Variants in SLC41A2 observed in about 807,000 individuals in gnomAD.
SLC41A2 encodes the protein SLC41A1-like 1.
SLC41A2 carries 32 observed loss-of-function variants against 58.3 expected under a neutral mutation model. That is an observed-to-expected ratio of 0.55 (90% CI 0.41 to 0.74). The LOEUF (loss-of-function observed/expected upper bound fraction) is 0.74, where lower values mean the gene tolerates loss of function less well. SLC41A2 is among the 30% of genes least tolerant of loss of function. The pLI is 0.00. For synonymous variants in SLC41A2, 190 were observed against 235.0 expected (o/e 0.81, Z 1.75); for missense variants, 514 against 680.6 (o/e 0.76, Z 2.72).
intron 1 of SLC41A2, among the ~76,000 whole-genome samples, chr12:104,946,623 A>G (rs2047728368): frequency 1.3e-5 from 2 of 152,206 alleles, no homozygotes; most frequent in African/African-American, 4.8e-5. Flanking sequence ...AAGTTGTATT[A>G]TTCACATGGA....
chr12:104,947,347 G>A (rs1270576301), intron 1 of SLC41A2, among the ~76,000 whole-genome samples: 1 of 151,270 alleles, frequency 6.6e-6, no homozygotes, highest in Non-Finnish European at 1.5e-5. Context: ...GGGACTACAG[G>A]TGCGCACCAC....
At position 104,928,479 on chromosome 12, in the gene SLC41A2, G is replaced by A. The variant is rs1565909267; in HGVS notation, c.49C>T (p.Pro17Ser). 6.5e-7 allele frequency: 1 copy of A among 1,541,258 alleles called. No individual in the cohort carries two copies. Among genetic ancestry groups the A allele is most frequent in the East Asian group, 2.4e-5 (1 of 40,876 alleles). The change falls in exon 2 of 11, where the codon CCA becomes TCA. Residue 17 changes from proline (P) to serine (S), a missense_variant. Pro to Ser is a moderately conservative substitution (Grantham distance 74). Around this residue, in one of 3 missense-constraint regions of SLC41A2, gnomAD observed 336 missense variants for 430.0 expected, o/e 0.78. Coordinates refer to ENST00000258538, the MANE Select transcript of SLC41A2 (RefSeq NM_001352171.3). ...TCTACAAAACCTCCTCCACTACTTG[G>A]ACCACCACTTGTTTTATCGGTAATA... is the stretch of plus-strand genomic sequence containing the variant. ...RSITDKTSGG[P>S]SSGGGFVDWT...
chr12:104,947,821 T>G (rs915027400), intron 1 of SLC41A2, among the ~76,000 whole-genome samples: 5 of 152,108 alleles, frequency 3.3e-5, no homozygotes, highest in Non-Finnish European at 7.4e-5. Flanking sequence ...TCATATCTCA[T>G]ATATATTTTA....
intron 2 of SLC41A2, among the ~76,000 whole-genome samples, chr12:104,925,818 CTGAG>C (rs1260887531): frequency 6.6e-6 from 1 of 152,140 alleles, no homozygotes; most frequent in Non-Finnish European, 1.5e-5. Flanking sequence ...TAGTTAAATA[CTGAG>C]TGTTTCTTCA....
intron 8 of SLC41A2, among the ~76,000 whole-genome samples, chr12:104,857,444 G>A (rs1305860771): frequency 6.6e-6 from 1 of 152,158 alleles, no homozygotes; most frequent in East Asian, 1.9e-4. Context: ...AGACAGTGTG[G>A]CAATTCCTCA....
chr12:104,891,719 G>A (rs2135681375), intron 4 of SLC41A2, among the ~76,000 whole-genome samples: 1 of 151,792 alleles, frequency 6.6e-6, no homozygotes, highest in African/African-American at 2.4e-5. Flanking sequence ...AGAAAGAAAT[G>A]AAGGGCATCT....
intron 1 of SLC41A2, among the ~76,000 whole-genome samples, chr12:104,936,546 T>C (rs1483265946): frequency 1.3e-5 from 2 of 152,288 alleles, no homozygotes; most frequent in East Asian, 3.9e-4. Context: ...AAGTCACATC[T>C]TACGTAGATG....
In SLC41A2 at chr12:104,947,194, C is replaced by CTTTTTTTTTTTTTTTTTTTTT. The variant is rs1491116311; in HGVS notation, c.-168+10893_-168+10894insAAAAAAAAAAAAAAAAAAAAA. Among the ~76,000 whole-genome samples the CTTTTTTTTTTTTTTTTTTTTT allele has an allele frequency of 9.9e-4, 53 of 53,668 alleles. 24 individuals carry two copies. The highest frequency in any genetic ancestry group is 9.9e-4 in the African/African-American group (13 of 13,136). The allele number at this position is 53,668 out of a possible 152,430, so 35.2% of individuals were successfully genotyped here. On this transcript the variant is annotated intron_variant, in intron 1 of 10. Coordinates refer to ENST00000258538, the MANE Select transcript of SLC41A2 (RefSeq NM_001352171.3). ...CTGAATTTCTGGCTTTTATTTTTGT[C>CTTTTTTTTTTTTTTTTTTTTT]CTTTTTTTTTTTTTTTTTTTTTTTT... is the stretch of plus-strand genomic sequence containing the variant.
chr12:104,828,404 C>G (rs2041925304), intron 10 of SLC41A2, among the ~76,000 whole-genome samples: 1 of 152,208 alleles, frequency 6.6e-6, no homozygotes, highest in Non-Finnish European at 1.5e-5. Flanking sequence ...GGCAAGAACC[C>G]CAGTATACAG....
intron 10 of SLC41A2, among the ~76,000 whole-genome samples, chr12:104,820,594 AC>A (rs1322680057): frequency 6.6e-6 from 1 of 152,244 alleles, no homozygotes; most frequent in Non-Finnish European, 1.5e-5. Flanking sequence ...TTAAATATTT[AC>A]GTACTTGACA....
intron 2 of SLC41A2, among the ~76,000 whole-genome samples, chr12:104,923,457 G>A (rs1302239736): frequency 6.6e-6 from 1 of 150,484 alleles, no homozygotes; most frequent in African/African-American, 2.4e-5. Flanking sequence ...CCCCAAATTA[G>A]TAGAAGAAAA....
intron 2 of SLC41A2, among the ~76,000 whole-genome samples, chr12:104,916,020 G>C (rs1229241661): frequency 2.0e-5 from 3 of 152,102 alleles, no homozygotes; most frequent in African/African-American, 4.8e-5. Flanking sequence ...TGCATCTATT[G>C]AGATAATCAT....
intron 10 of SLC41A2, among the ~76,000 whole-genome samples, chr12:104,813,157 C>CGACAGAGCAAGACT (rs1209901284): frequency 8.6e-5 from 13 of 150,766 alleles, no homozygotes; most frequent in African/African-American, 2.9e-4. Context: ...CCAGCCTGGG[C>CGACAGAGCAAGACT]GACAGAGCAA....
intron 7 of SLC41A2, among the ~76,000 whole-genome samples, chr12:104,865,949 T>A (rs1351323457): frequency 1.3e-5 from 2 of 152,198 alleles, no homozygotes; most frequent in Non-Finnish European, 2.9e-5. Flanking sequence ...ATGAGGATGC[T>A]TGCAGCTAAA....
chr12:104,892,223 G>A lies in SLC41A2; in HGVS notation c.736-3046C>T, dbSNP rs150355882. ...GAATTGCTTGAACTCAGGAGGCGGA[G>A]GCTGTAGTGAGCCGAGATCACGCCA... On this transcript the variant is annotated intron_variant, in intron 4 of 10. Coordinates refer to ENST00000258538, the MANE Select transcript of SLC41A2 (RefSeq NM_001352171.3). Among the ~76,000 whole-genome samples, 1,233 of 151,492 alleles carry A rather than the reference G, an allele frequency of 8.1e-3. 14 individuals are homozygous for A. Among genetic ancestry groups the A allele is most frequent in the African/African-American group, 0.028 (1,138 of 41,092 alleles).
At chr12:104,890,065 G>GAATA (rs1277514759) in intron 4 of SLC41A2, among the ~76,000 whole-genome samples, 1 of 152,096 alleles carries the variant, frequency 6.6e-6, no homozygotes. Context: ...AAACTCTATA[G>GAATA]AATAGAGTTC....
intron 1 of SLC41A2, 86 bp downstream of exon 1, chr12:104,958,002 G>C (rs897185070): frequency 6.6e-6 from 1 of 151,688 alleles, no homozygotes; most frequent in Admixed American, 6.6e-5. Context: ...CCCGAGCCCA[G>C]GCCTCTCGGC....
chr12:104,867,616 A>C (rs2135532703), intron 6 of SLC41A2, among the ~76,000 whole-genome samples: 1 of 151,378 alleles, frequency 6.6e-6, no homozygotes, highest in South Asian at 2.1e-4. Context: ...ACAAACCCAA[A>C]ATTTTTATTT....
At chr12:104,911,209 C>T (rs368691301) in intron 2 of SLC41A2, among the ~76,000 whole-genome samples, 8 of 152,236 alleles carry the variant, frequency 5.3e-5, no homozygotes, top group African/African-American at 1.2e-4. Flanking sequence ...ATGTATTGAT[C>T]GATGTCTGCC....
Sources: allele counts gnomAD v4.1 joint callset (sites outside exome capture counted in the v4.1 genomes callset), GRCh38; gene constraint gnomAD v4.1.1; regional missense constraint gnomAD v4.1.1; transcripts MANE v1.5; gene names NCBI Gene and HGNC (gene_info 2026-07-23, HGNC 2026-07-21).